The following CACNA1D variants were observed in gnomAD, a reference collection of about 807,000 sequenced individuals.
The protein encoded by CACNA1D is voltage-dependent L-type calcium channel subunit alpha-1D.
Under a neutral mutation model 257.1 loss-of-function variants are expected in CACNA1D, and 55 were observed. The observed-to-expected ratio is 0.21, with a 90% CI of 0.17 to 0.27. The LOEUF is 0.27. CACNA1D is among the 10% of genes least tolerant of loss of function. CACNA1D has a pLI of 1.00. For synonymous variants in CACNA1D, 980 were observed against 1,014.9 expected (o/e 0.97, Z 0.65); for missense variants, 1,876 against 2,784.0 (o/e 0.67, Z 7.34).
intron 30 of CACNA1D, 57 bp downstream of exon 30, chr3:53,762,138 A>T: frequency 9.4e-7 from 1 of 1,060,272 alleles, no homozygotes; most frequent in South Asian, 1.3e-5. Context: ...GTCTGTGCAT[A>T]CTCCGCTCCC....
At chr3:53,519,719 G>A (rs903371285) in intron 3 of CACNA1D, among the ~76,000 whole-genome samples, 3 of 152,054 alleles carry the variant, frequency 2.0e-5, no homozygotes, top group East Asian at 1.9e-4. Context: ...TATATTCACT[G>A]TTAAGCAACC....
intron 3 of CACNA1D, among the ~76,000 whole-genome samples, chr3:53,635,831 T>C (rs777763582): frequency 6.6e-6 from 1 of 152,190 alleles, no homozygotes; most frequent in Non-Finnish European, 1.5e-5. Flanking sequence ...CAGATAGTCG[T>C]AGAGATCGCT....
chr3:53,606,593 A>G (rs2093514085), intron 3 of CACNA1D, among the ~76,000 whole-genome samples: 1 of 152,234 alleles, frequency 6.6e-6, no homozygotes, highest in African/African-American at 2.4e-5. Flanking sequence ...GGCTTTCTGT[A>G]TTATCAGTAA....
chr3:53,511,427 G>C (rs312486), intron 3 of CACNA1D, among the ~76,000 whole-genome samples: 121,817 of 152,114 alleles, frequency 0.8, 48,906 homozygotes, highest in East Asian at 0.85. Context: ...CGCTCATTCA[G>C]AGCAGCACTT....
Position 53,744,793 on chromosome 3 carries a change from C to A in CACNA1D, c.2972C>A (p.Pro991His). The stretch of plus-strand genomic sequence containing the variant: ...CTGAGGGTCTTAAGGGTCCTGCGTC[C>A]CCTCAGGGCCATCAACAGAGCAAAA... ...KILRVLRVLRPLRAINRAKGL... is the reference protein window; with the variant it reads ...KILRVLRVLRHLRAINRAKGL... The change falls in exon 23 of 48, where the codon CCC (proline) becomes CAC (histidine). Residue 991 changes from proline to histidine, a missense_variant. By Grantham distance (77) the Pro-to-His change is moderately conservative (BLOSUM62 -2). Coordinates refer to ENST00000350061, the MANE Select transcript of CACNA1D (RefSeq NM_001128840.3). 1 of 1,608,602 alleles carries A rather than the reference C, an allele frequency of 6.2e-7. No individual in the cohort carries two copies. Among genetic ancestry groups the A allele is most frequent in the Non-Finnish European group, 8.5e-7 (1 of 1,174,994 alleles).
chr3:53,670,366 A>G (rs901246988), intron 7 of CACNA1D, among the ~76,000 whole-genome samples: 8 of 152,162 alleles, frequency 5.3e-5, no homozygotes, highest in African/African-American at 1.9e-4. Context: ...TTTTTTTGAG[A>G]CGGAGTTTTG....
In CACNA1D at chr3:53,713,875, C is replaced by T. The variant is rs183544012; in HGVS notation, c.1391-4426C>T. Among the ~76,000 whole-genome samples, 554 of 152,252 alleles carry T rather than the reference C, an allele frequency of 3.6e-3. 2 individuals are homozygous for T. The highest frequency in any genetic ancestry group is 5.9e-3 in the Non-Finnish European group (403 of 68,028). ...GCTGCTGTCTGCCACCATCCTCTCA[C>T]CCCCAGTGGCACCCAGGCCCCCCGC... On this transcript the variant is annotated intron_variant, in intron 9 of 47. Coordinates refer to ENST00000350061, the MANE Select transcript of CACNA1D (RefSeq NM_001128840.3).
At chr3:53,629,058 C>T (rs1161020602) in intron 3 of CACNA1D, among the ~76,000 whole-genome samples, 3 of 152,132 alleles carry the variant, frequency 2.0e-5, no homozygotes, top group African/African-American at 4.8e-5. Context: ...CTTTGTGGGC[C>T]GTGTGGTTTC....
intron 45 of CACNA1D, chr3:53,807,857 T>A (rs1472488800): frequency 1.3e-5 from 2 of 152,378 alleles, no homozygotes; most frequent in East Asian, 3.9e-4. Context: ...AGAAGCTGAA[T>A]CTTTCCCAAC....
In CACNA1D at chr3:53,793,171, T is replaced by C. The variant is rs2095492213; in HGVS notation, c.4923+6219T>C. On this transcript the variant is annotated intron_variant, in intron 40 of 47. Coordinates refer to ENST00000350061, the MANE Select transcript of CACNA1D (RefSeq NM_001128840.3). The surrounding 1 kb of genome is among the most constrained non-coding windows in gnomAD (Gnocchi z 4.1). ...CCCAGCCCCTCCTGAGACTGCTCTG[T>C]GACCCAGCAGCTACAGGTCTAGTGC... is the stretch of plus-strand genomic sequence containing the variant. 6.6e-6 allele frequency among the ~76,000 whole-genome samples: 1 copy of C among 152,224 alleles called. No homozygotes were observed. The highest frequency in any genetic ancestry group is 2.4e-5 in the African/African-American group (1 of 41,466).
At chr3:53,754,284 C>G (rs1159147189) in intron 29 of CACNA1D, among the ~76,000 whole-genome samples, 1 of 152,196 alleles carries the variant, frequency 6.6e-6, no homozygotes, top group Admixed American at 6.5e-5. Flanking sequence ...GTGTTGTACC[C>G]CTTTGGGAGG....
At chr3:53,739,929 G>C (rs550224021) in intron 20 of CACNA1D, among the ~76,000 whole-genome samples, 6 of 152,232 alleles carry the variant, frequency 3.9e-5, no homozygotes, top group African/African-American at 1.2e-4. Flanking sequence ...ATGTGTATAA[G>C]CCTCTAATTT....
In CACNA1D at chr3:53,801,328, C is replaced by T. The variant is rs535459203; in HGVS notation, c.5311C>T (p.Arg1771Trp). The T allele has an allele frequency of 2.7e-5, 44 of 1,614,114 alleles. No homozygotes were observed. Among genetic ancestry groups the T allele is most frequent in the African/African-American group, 1.3e-4 (10 of 75,048 alleles). The change falls in exon 42 of 48, where the codon CGG becomes TGG. Residue 1771 changes from arginine (R) to tryptophan (W), a missense_variant. Physicochemically the swap from Arg to Trp is moderately radical, Grantham distance 101. Transcript: ENST00000350061. ...TATGTCCAAAGCTGCCCATGGAAAG[C>T]GGCCCAGCATTGGGAACCTTGAGCA... is the stretch of plus-strand genomic sequence containing the variant. ...ANMSKAAHGK[R>W]PSIGNLEHVS...
intron 47 of CACNA1D, among the ~76,000 whole-genome samples, chr3:53,810,773 A>AC (rs1427081106): frequency 6.7e-6 from 1 of 149,330 alleles, no homozygotes; most frequent in Non-Finnish European, 1.5e-5. Flanking sequence ...AAAAAAAAAA[A>AC]AAAAAAAAAA....
At chr3:53,666,171 T>C (rs1052051667) in intron 6 of CACNA1D, among the ~76,000 whole-genome samples, 168 bp from the exon 7 acceptor site, 1 of 152,030 alleles carries the variant, frequency 6.6e-6, no homozygotes, top group Non-Finnish European at 1.5e-5. Flanking sequence ...CAGATTCCGC[T>C]AAGGAGGGAG....
At chr3:53,804,279 C>T (rs530010808) in intron 44 of CACNA1D, among the ~76,000 whole-genome samples, 1 of 152,134 alleles carries the variant, frequency 6.6e-6, no homozygotes, top group Non-Finnish European at 1.5e-5. Flanking sequence ...CCTCTGCTCC[C>T]GCAGCCCTTC....
intron 32 of CACNA1D, among the ~76,000 whole-genome samples, chr3:53,771,367 A>C (rs1271636079): frequency 6.6e-6 from 1 of 152,230 alleles, no homozygotes; most frequent in Non-Finnish European, 1.5e-5. Context: ...AAGCTGTCCA[A>C]AGGTATATAA....
chr3:53,604,444 A>G (rs1006935876), intron 3 of CACNA1D, among the ~76,000 whole-genome samples: 1 of 152,182 alleles, frequency 6.6e-6, no homozygotes, highest in African/African-American at 2.4e-5. Context: ...GGGCTGGCAC[A>G]TTGTTGAGGA....
At chr3:53,675,705 T>A (rs1027601871) in intron 8 of CACNA1D, among the ~76,000 whole-genome samples, 10 of 152,130 alleles carry the variant, frequency 6.6e-5, no homozygotes, top group Non-Finnish European at 1.3e-4. Flanking sequence ...AAAGGTACAC[T>A]CCTTCATGGA....
Sources: allele counts gnomAD v4.1 joint callset (sites outside exome capture counted in the v4.1 genomes callset), GRCh38; gene constraint gnomAD v4.1.1; non-coding constraint Gnocchi (gnomAD v3.1); transcripts MANE v1.5; gene names NCBI Gene and HGNC (gene_info 2026-07-23, HGNC 2026-07-21).